Variants in UBXN2B observed in about 807,000 individuals in gnomAD.
The protein encoded by UBXN2B is UBX domain protein 2B, also known as UBX domain-containing protein 2B.
A neutral mutation model predicts 37.5 loss-of-function variants in UBXN2B; 19 were observed. The observed-to-expected ratio is 0.51, with a 90% CI of 0.35 to 0.74. The LOEUF (loss-of-function observed/expected upper bound fraction) is 0.74, where lower values mean the gene tolerates loss of function less well. Among genes scored for constraint, UBXN2B ranks in the 30% least tolerant of loss-of-function variants. UBXN2B has a pLI of 0.01. For synonymous variants in UBXN2B, 145 were observed against 143.8 expected, an observed-to-expected ratio of 1.01 and a Z score of -0.06; for missense variants, 370 against 393.2, an observed-to-expected ratio of 0.94 and a Z score of 0.50.
chr8:58,411,767 G>C (rs1424715474), intron 1 of UBXN2B, among the ~76,000 whole-genome samples: 1 of 152,222 alleles, frequency 6.6e-6, no homozygotes, highest in African/African-American at 2.4e-5. Flanking sequence ...TTCACGGGTT[G>C]ATGCTTCCTT....
chr8:58,446,963 A>AT lies in UBXN2B; in HGVS notation c.834-420dup, dbSNP rs1222260634. ...AGACAGCCACCACCATGCCCAGCTAATTTTTTCTGGTTTTAGTAGAGACGG... is the reference window on the plus strand; with the variant it reads ...AGACAGCCACCACCATGCCCAGCTAATTTTTTTCTGGTTTTAGTAGAGACGG... On this transcript the variant is annotated intron_variant, in intron 7 of 7. Coordinates refer to ENST00000399598, the MANE Select transcript of UBXN2B (RefSeq NM_001077619.2). Among the ~76,000 whole-genome samples, 6 of 151,208 alleles carry AT rather than the reference A, an allele frequency of 4.0e-5. No homozygotes were observed. In the Middle Eastern group the frequency reaches 0.01, roughly 263 times the overall value.
chr8:58,415,647 G>T (rs955487402), intron 1 of UBXN2B, among the ~76,000 whole-genome samples: 10 of 152,044 alleles, frequency 6.6e-5, no homozygotes, highest in Non-Finnish European at 1.2e-4. Context: ...TCCTTCAAAT[G>T]ACTACGGTGA....
chr8:58,432,884 C>T (rs770529022), intron 3 of UBXN2B, among the ~76,000 whole-genome samples: 4 of 151,730 alleles, frequency 2.6e-5, no homozygotes, highest in African/African-American at 4.8e-5. Flanking sequence ...TGCCTAGAAA[C>T]GTGTCTTTTT....
At chr8:58,426,381 G>T (rs1417715116) in intron 2 of UBXN2B, 41 of 493,730 alleles carry the variant, frequency 8.3e-5, no homozygotes, top group Non-Finnish European at 1.1e-4. Context: ...TAATTTTTTT[G>T]TATTTTTTAG....
At position 58,448,281 on chromosome 8, in the gene UBXN2B, C is replaced by G. The variant is rs556514639; in HGVS notation, c.*730C>G. 2 of 151,112 alleles carry G rather than the reference C, an allele frequency of 1.3e-5. No individual in the cohort carries two copies. The highest frequency in any genetic ancestry group is 1.3e-4 in the Admixed American group (2 of 15,110). The allele number at this position is 151,112 out of a possible 1,614,324, so 9.4% of individuals were successfully genotyped here. Reference sequence around the variant, plus strand: ...CTCCGCCTCCCAGGTTCAAAAGATTCTCCTGCCTTAGCCTCCCAAGTAGCT... The same window carrying G: ...CTCCGCCTCCCAGGTTCAAAAGATTGTCCTGCCTTAGCCTCCCAAGTAGCT... On this transcript the variant is annotated 3_prime_UTR_variant, in exon 8 of 8. Transcript: ENST00000399598.
At chr8:58,446,199 G>A (rs1220840048) in intron 7 of UBXN2B, 131 bp downstream of exon 7, 3 of 965,808 alleles carry the variant, frequency 3.1e-6, no homozygotes, top group Non-Finnish European at 4.3e-6. Flanking sequence ...GTAAGTTTTT[G>A]ACAGAAGAAA....
intron 2 of UBXN2B, among the ~76,000 whole-genome samples, chr8:58,417,493 T>C (rs1807815494): frequency 6.6e-6 from 1 of 152,228 alleles, no homozygotes; most frequent in African/African-American, 2.4e-5. Flanking sequence ...TGTGACCTCC[T>C]AAATAGTATT....
chr8:58,447,520 T>TTAACACTG lies in UBXN2B; in HGVS notation c.967_974dup (p.Leu326ThrfsTer8). The TTAACACTG allele has an allele frequency of 6.2e-7, 1 of 1,612,538 alleles. No individual in the cohort carries two copies. The highest frequency in any genetic ancestry group is 1.1e-5 in the South Asian group (1 of 90,782). On this transcript the variant is annotated frameshift_variant, in exon 8 of 8. Coordinates refer to ENST00000399598, the MANE Select transcript of UBXN2B (RefSeq NM_001077619.2). LOFTEE classifies it high-confidence loss of function. ...CTGACACTGCTAGAAGCAGATATTC[T>TTAACACTG]TAACACTGTGTTACTCCAGCAACTA...
At chr8:58,432,618 G>A (rs183982657) in intron 3 of UBXN2B, among the ~76,000 whole-genome samples, 493 of 151,996 alleles carry the variant, frequency 3.2e-3, no homozygotes, top group African/African-American at 0.011. Context: ...TCCTGACCTC[G>A]TGATCCGCCT....
At chr8:58,445,500 A>G (rs759805168) in intron 6 of UBXN2B, among the ~76,000 whole-genome samples, 2 of 152,194 alleles carry the variant, frequency 1.3e-5, no homozygotes, top group Non-Finnish European at 1.5e-5. Flanking sequence ...ATAACATAGT[A>G]TTATTCCCTC....
In UBXN2B at chr8:58,418,241, CAAAAAAAAAA is replaced by C. The variant is rs56073006; in HGVS notation, c.188+1304_188+1313del. Among the ~76,000 whole-genome samples the C allele has an allele frequency of 1.4e-3, 158 of 109,090 alleles. 2 individuals carry two copies. The East Asian group carries it at 0.027, about 18-fold the overall frequency. The allele number at this position is 109,090 out of a possible 152,430, so 71.6% of individuals were successfully genotyped here. A position where few individuals can be genotyped will look rare whatever the true frequency, so the allele number is the denominator to read the frequency against. On this transcript the variant is annotated intron_variant, in intron 2 of 7. Coordinates refer to ENST00000399598, the MANE Select transcript of UBXN2B (RefSeq NM_001077619.2). ...GAATGATGGAGAAGGACTCTGTCTC[CAAAAAAAAAA>C]AAAAAAAAAAAAAAATTAATAGTAA...
chr8:58,424,628 TCATACA>T (rs1236343325), intron 2 of UBXN2B: 1 of 1,171,126 alleles, frequency 8.5e-7, no homozygotes, highest in Non-Finnish European at 1.3e-6. Flanking sequence ...GCCCACGTTT[TCATACA>T]CTCTAGCACT....
chr8:58,449,177 T>C lies in UBXN2B; in HGVS notation c.*1626T>C, dbSNP rs1808749990. 1 of 152,242 alleles carries C rather than the reference T, an allele frequency of 6.6e-6. No individual in the cohort carries two copies. Among genetic ancestry groups the C allele is most frequent in the Non-Finnish European group, 1.5e-5 (1 of 68,036 alleles). 9.4% of individuals were successfully genotyped at this position (152,242 alleles called of 1,614,324 possible). On this transcript the variant is annotated 3_prime_UTR_variant, in exon 8 of 8. Transcript: ENST00000399598. The stretch of plus-strand genomic sequence containing the variant: ...TCCAATCTAGGCTTATCTCCTTGTC[T>C]TGAAATCCATAGTAACCTTAATTAC...
rs1167192441 is a variant in UBXN2B, at chr8:58,450,125, C to A, written c.*2574C>A. ...AGGTTATACAGCCATATCTTCATCACTTTCTCTAGAGTAAAGGCTGTCCTG... is the reference window on the plus strand; with the variant it reads ...AGGTTATACAGCCATATCTTCATCAATTTCTCTAGAGTAAAGGCTGTCCTG... On this transcript the variant is annotated 3_prime_UTR_variant, in exon 8 of 8. Coordinates refer to ENST00000399598, the MANE Select transcript of UBXN2B (RefSeq NM_001077619.2). 6.6e-6 allele frequency: 1 copy of A among 152,242 alleles called. No homozygotes were observed. The highest frequency in any genetic ancestry group is 1.5e-5 in the Non-Finnish European group (1 of 68,044). The allele number at this position is 152,242 out of a possible 1,614,324, so 9.4% of individuals were successfully genotyped here. A position where few individuals can be genotyped will look rare whatever the true frequency, so the allele number is the denominator to read the frequency against.
rs775872066 is a variant in UBXN2B at position 58,445,962 on chromosome 8, A to G, written c.727A>G (p.Ile243Val). ...PSSPEEEDKS[I>V]LNAVVLIDDS... ...CTCTCCAGAAGAGGAGGATAAATCA[A>G]TACTTAATGCAGTTGTTCTTATTGA... is the stretch of plus-strand genomic sequence containing the variant. The change falls in exon 7 of 8, where the codon ATA becomes GTA. Residue 243 changes from isoleucine (I) to valine (V), a missense_variant. Physicochemically the swap from Ile to Val is conservative, Grantham distance 29. Transcript: ENST00000399598. 1.4e-4 allele frequency: 232 copies of G among 1,613,080 alleles called. No homozygotes were observed. Among genetic ancestry groups the G allele is most frequent in the Admixed American group, 2.5e-4 (15 of 59,884 alleles).
chr8:58,428,373 C>T (rs950981365), intron 2 of UBXN2B, among the ~76,000 whole-genome samples: 5 of 152,144 alleles, frequency 3.3e-5, no homozygotes, highest in Admixed American at 2.0e-4. Context: ...ATTAGAAAAA[C>T]AAAAGTATAC....
chr8:58,437,959 C>T (rs547552339), intron 5 of UBXN2B, among the ~76,000 whole-genome samples: 7 of 151,684 alleles, frequency 4.6e-5, no homozygotes, highest in Non-Finnish European at 7.4e-5. Flanking sequence ...AGCCCCCCCC[C>T]CAACCCCCAT....
At chr8:58,442,734 C>T (rs772017956) in intron 6 of UBXN2B, among the ~76,000 whole-genome samples, 1 of 152,184 alleles carries the variant, frequency 6.6e-6, no homozygotes, top group Admixed American at 6.5e-5. Context: ...CTAACAAAAT[C>T]ACAGAGTCAT....
chr8:58,439,502 A>G lies in UBXN2B; in HGVS notation c.534-131A>G. On this transcript the variant is annotated intron_variant, in intron 5 of 7. Transcript: ENST00000399598. ...CAAGGACTGATCAGTCATTATGGAA[A>G]TTTTTGTGTTATAATTTAAGCAAAA... 3 of 1,141,280 alleles carry G rather than the reference A, an allele frequency of 2.6e-6. 1 individual carries two copies. The South Asian group carries it at 5.8e-5, about 22-fold the overall frequency. 70.7% of individuals were successfully genotyped at this position (1,141,280 alleles called of 1,614,324 possible).
Sources: allele counts gnomAD v4.1 joint callset (sites outside exome capture counted in the v4.1 genomes callset), GRCh38; gene constraint gnomAD v4.1.1; transcripts MANE v1.5; gene names NCBI Gene and HGNC (gene_info 2026-07-23, HGNC 2026-07-21).